SCN7A: variants seen among roughly 807,000 people sequenced by gnomAD.
SCN7A encodes the protein sodium voltage-gated channel alpha subunit 7, also known as sodium channel protein type 7 subunit alpha.
SCN7A carries 138 observed loss-of-function variants against 155.2 expected under a neutral mutation model. That is an observed-to-expected ratio of 0.89 (90% CI 0.77 to 1.02). SCN7A has a LOEUF of 1.02. Among genes scored for constraint, SCN7A ranks in the 50% least tolerant of loss-of-function variants. The probability of loss-of-function intolerance (pLI) is 0.00; values close to 1 mark genes in which losing one functional copy is unlikely to be tolerated. For synonymous variants in SCN7A, 693 were observed against 649.0 expected (o/e 1.07, Z -1.03); for missense variants, 2,058 against 1,986.6 (o/e 1.04, Z -0.68).
At chr2:166,437,304 C>T (rs1004182688) in intron 15 of SCN7A, among the ~76,000 whole-genome samples, 2 of 152,214 alleles carry the variant, frequency 1.3e-5, no homozygotes, top group African/African-American at 2.4e-5. Context: ...GAGCAACTTC[C>T]ATGTGGTGTT....
Position 166,444,872 on chromosome 2 carries a change from A to G in SCN7A, c.1516T>C (p.Phe506Leu). ...CATATGATAAGGAAAAGATCAGTAAATGGTGCCATTATAATCCTATGGACA... is the reference window on the plus strand; with the variant it reads ...CATATGATAAGGAAAAGATCAGTAAGTGGTGCCATTATAATCCTATGGACA... The part of the protein sequence containing the change: ...EFVHRIIMAP[F>L]TDLFLIICII... The change falls in exon 13 of 26, where the codon TTT (phenylalanine) becomes CTT (leucine). Residue 506 changes from phenylalanine (F) to leucine (L), a missense_variant. Transcript: ENST00000643258. The G allele has an allele frequency of 1.2e-6, 2 of 1,612,474 alleles. No individual in the cohort carries two copies. The highest frequency in any genetic ancestry group is 8.5e-7 in the Non-Finnish European group (1 of 1,178,738).
At chr2:166,416,028 C>T (rs1701368008) in intron 21 of SCN7A, among the ~76,000 whole-genome samples, 1 of 151,980 alleles carries the variant, frequency 6.6e-6, no homozygotes, top group African/African-American at 2.4e-5. Flanking sequence ...GAATTCATTC[C>T]TGGAGAGAGG....
intron 13 of SCN7A, among the ~76,000 whole-genome samples, chr2:166,444,361 T>A (rs1702018734): frequency 6.6e-6 from 1 of 152,194 alleles, no homozygotes; most frequent in South Asian, 2.1e-4. Context: ...CAGGGCCAAC[T>A]GCTGTTTTAA....
intron 23 of SCN7A, among the ~76,000 whole-genome samples, 200 bp from the exon 24 acceptor site, chr2:166,410,524 A>C (rs555784538): frequency 2.6e-5 from 4 of 152,168 alleles, no homozygotes; most frequent in Admixed American, 2.0e-4. Context: ...ATACATGCTG[A>C]TAGTGACAGA....
At chr2:166,481,351 G>A (rs1367376694) in intron 2 of SCN7A, among the ~76,000 whole-genome samples, 2 of 152,002 alleles carry the variant, frequency 1.3e-5, no homozygotes, top group Non-Finnish European at 2.9e-5. Context: ...ATAATACATG[G>A]AAAATAAATA....
At chr2:166,406,713 A>G in intron 25 of SCN7A, 67 bp from the exon 26 acceptor site, 1 of 1,046,974 alleles carries the variant, frequency 9.6e-7, no homozygotes, top group Non-Finnish European at 1.4e-6. Context: ...AGGACTATAA[A>G]TTATTTTACA....
chr2:166,461,048 CTTTT>C (rs34717897), intron 10 of SCN7A, among the ~76,000 whole-genome samples: 10,918 of 96,700 alleles, frequency 0.11, 452 homozygotes, highest in African/African-American at 0.17. Flanking sequence ...GTAATATTTT[CTTTT>C]TTTTTTTTTT....
rs371534085 is a variant in SCN7A, at chr2:166,474,308, T to G, written c.271A>C (p.Arg91=). ...CACAAGATGGAAGCCGCATTGAATC[T>G]GAAGATTGTTCTATTTTTATTTAAT... ...IVLNKNRTIF[R]FNAASILCTL... Residue 91 remains arginine, a synonymous_variant, in exon 4 of 26, where the codon AGA becomes CGA. Transcript: ENST00000643258. The G allele has an allele frequency of 6.6e-7, 1 of 1,525,652 alleles. No homozygotes were observed. Among genetic ancestry groups the G allele is most frequent in the Admixed American group, 2.0e-5 (1 of 49,320 alleles). 94.5% of individuals were successfully genotyped at this position (1,525,652 alleles called of 1,614,324 possible). A position where few individuals can be genotyped will look rare whatever the true frequency, so the allele number is the denominator to read the frequency against.
chr2:166,408,835 GTT>G (rs1319610814), intron 25 of SCN7A, among the ~76,000 whole-genome samples: 1 of 151,958 alleles, frequency 6.6e-6, no homozygotes, highest in Admixed American at 6.6e-5. Context: ...TAATATGTGT[GTT>G]ATGTGGAAAC....
chr2:166,458,275 G>C (rs945828257), intron 10 of SCN7A, among the ~76,000 whole-genome samples: 8 of 150,698 alleles, frequency 5.3e-5, no homozygotes, highest in Non-Finnish European at 1.5e-5. Context: ...GCTGCTGTGA[G>C]CCATGATCAC....
chr2:166,432,853 C>G lies in SCN7A; in HGVS notation c.2158-101G>C, dbSNP rs949142969. 7 of 769,664 alleles carry G rather than the reference C, an allele frequency of 9.1e-6. No individual in the cohort carries two copies. In the African/African-American group the frequency reaches 1.1e-4, roughly 12 times the overall value. 47.7% of individuals were successfully genotyped at this position (769,664 alleles called of 1,614,324 possible). ...AACTGATGAGAACATTTAATATCTA[C>G]TCTGTTAGCATTTTTCAAGAATACA... On this transcript the variant is annotated intron_variant, in intron 15 of 25. Transcript: ENST00000643258.
intron 25 of SCN7A, 23 bp from the exon 26 acceptor site, chr2:166,406,669 A>G (rs1380118555): frequency 6.9e-7 from 1 of 1,457,006 alleles, no homozygotes; most frequent in African/African-American, 1.4e-5. Flanking sequence ...AAGATAAAGC[A>G]GGCTATACAT....
Position 166,411,520 on chromosome 2 carries a change from C to A in SCN7A, c.3606+1010G>T, listed in dbSNP as rs566407264. Among the ~76,000 whole-genome samples the A allele has an allele frequency of 1.6e-4, 24 of 151,822 alleles. No homozygotes were observed. The South Asian group carries it at 5.0e-3, about 32-fold the overall frequency. ...TAAGAGAAAAGGTGAAAGTGCTTGA[C>A]TTAAGGCAAGAAAAAAAAACATATG... On this transcript the variant is annotated intron_variant, in intron 23 of 25. Coordinates refer to ENST00000643258, the MANE Select transcript of SCN7A (RefSeq NM_002976.4).
At chr2:166,488,631 T>TA (rs1559132624) in intron 1 of SCN7A, among the ~76,000 whole-genome samples, 1 of 138,212 alleles carries the variant, frequency 7.2e-6, no homozygotes, top group Admixed American at 7.1e-5. Flanking sequence ...GTCAACAGTT[T>TA]CTTTTTTTTT....
At position 166,432,339 on chromosome 2, in the gene SCN7A, A is replaced by G; in HGVS notation, c.2571T>C (p.Ser857=). The G allele has an allele frequency of 1.2e-6, 2 of 1,609,236 alleles. No homozygotes were observed. Among genetic ancestry groups the G allele is most frequent in the Non-Finnish European group, 1.7e-6 (2 of 1,177,924 alleles). The change falls in exon 16 of 26, where the codon TCT becomes TCC. Residue 857 remains serine (S), a synonymous_variant. Coordinates refer to ENST00000643258, the MANE Select transcript of SCN7A (RefSeq NM_002976.4). ...NLDNKEIQSK[S]GDGGSKEKIK... is the part of the protein sequence containing the mutation. ...TTACCTCTTTGCTGCCTCCATCACC[A>G]GACTTACTCTGAATCTCCTTATTAT...
rs527560328 is a variant in SCN7A, at chr2:166,406,597, A to C, written c.4032T>G (p.Leu1344=). 1 of 1,612,066 alleles carries C rather than the reference A, an allele frequency of 6.2e-7. No individual in the cohort carries two copies. The highest frequency in any genetic ancestry group is 8.5e-7 in the Non-Finnish European group (1 of 1,178,832). Residue 1344 remains leucine, a synonymous_variant, in exon 26 of 26, where the codon CTT becomes CTG. Transcript: ENST00000643258. Reference sequence around the variant, plus strand: ...TCCGTGAGAGAAGTATCAGTTGCACAAGTGAAGGAGGCACAAGGTAGGATC... The same window carrying C: ...TCCGTGAGAGAAGTATCAGTTGCACCAGTGAAGGAGGCACAAGGTAGGATC... ...TVGSYLVPPS[L]VQLILLSRII... is the part of the protein sequence containing the mutation.
chr2:166,460,872 C>G (rs1470049373), intron 10 of SCN7A, among the ~76,000 whole-genome samples: 2 of 151,846 alleles, frequency 1.3e-5, no homozygotes, highest in African/African-American at 4.8e-5. Flanking sequence ...TTGAAAAACA[C>G]TGAAGGATTT....
chr2:166,442,238 C>T (rs1221758043), intron 14 of SCN7A, among the ~76,000 whole-genome samples: 1 of 151,918 alleles, frequency 6.6e-6, no homozygotes, highest in Non-Finnish European at 1.5e-5. Flanking sequence ...ATTGAATAGT[C>T]CCCTTCCTTT....
At chr2:166,437,302 T>G (rs1174160196) in intron 15 of SCN7A, among the ~76,000 whole-genome samples, 2 of 152,156 alleles carry the variant, frequency 1.3e-5, no homozygotes, top group African/African-American at 4.8e-5. Context: ...CTGAGCAACT[T>G]CCATGTGGTG....
Sources: allele counts gnomAD v4.1 joint callset (sites outside exome capture counted in the v4.1 genomes callset), GRCh38; gene constraint gnomAD v4.1.1; transcripts MANE v1.5; gene names NCBI Gene and HGNC (gene_info 2026-07-23, HGNC 2026-07-21).